Variants in GPC5 observed in about 807,000 individuals in gnomAD.
GPC5 encodes the protein glypican-5.
GPC5 carries 47 observed loss-of-function variants against 53.9 expected under a neutral mutation model. That is an observed-to-expected ratio of 0.87 (90% CI 0.69 to 1.11). The LOEUF (loss-of-function observed/expected upper bound fraction) is 1.11, where lower values mean the gene tolerates loss of function less well. GPC5 is among the 50% of genes most tolerant of loss of function. GPC5 has a pLI of 0.00. For synonymous variants in GPC5, 286 were observed against 263.3 expected (o/e 1.09, Z -0.84); for missense variants, 748 against 713.1 (o/e 1.05, Z -0.56).
chr13:91,992,304 A>T (rs1041751818), intron 6 of GPC5, among the ~76,000 whole-genome samples: 3 of 152,128 alleles, frequency 2.0e-5, no homozygotes, highest in African/African-American at 7.2e-5. Flanking sequence ...AAATACTGGG[A>T]TTATAGGTGC....
intron 7 of GPC5, among the ~76,000 whole-genome samples, chr13:92,469,465 A>G (rs1878827005): frequency 1.3e-5 from 2 of 152,176 alleles, no homozygotes; most frequent in Non-Finnish European, 2.9e-5. Flanking sequence ...CAGAGCAGAA[A>G]AGTTAAATCA....
intron 7 of GPC5, among the ~76,000 whole-genome samples, chr13:92,598,395 T>G: frequency 6.6e-6 from 1 of 152,234 alleles, no homozygotes; most frequent in East Asian, 1.9e-4. Flanking sequence ...CAAATTTTTT[T>G]TTTTACGTTG....
intron 2 of GPC5, among the ~76,000 whole-genome samples, chr13:91,461,928 G>A (rs576030108): frequency 2.6e-5 from 4 of 152,122 alleles, no homozygotes; most frequent in Non-Finnish European, 2.9e-5. Context: ...CTCTAAATTC[G>A]CAAAGACCAG....
intron 2 of GPC5, among the ~76,000 whole-genome samples, chr13:91,643,039 C>G (rs1369879570): frequency 5.3e-5 from 8 of 152,100 alleles, no homozygotes; most frequent in Non-Finnish European, 2.9e-5. Context: ...TTGCACTCCA[C>G]TTCTTATGGT....
chr13:92,014,728 A>G (rs1390287172), intron 6 of GPC5, among the ~76,000 whole-genome samples: 4 of 152,190 alleles, frequency 2.6e-5, no homozygotes, highest in Non-Finnish European at 5.9e-5. Flanking sequence ...TATAATATAT[A>G]CATTATTGAC....
chr13:92,523,472 T>A (rs1881148614), intron 7 of GPC5, among the ~76,000 whole-genome samples: 1 of 152,132 alleles, frequency 6.6e-6, no homozygotes, highest in African/African-American at 2.4e-5. Context: ...TTTAGAAACA[T>A]TTCCATCAAA....
At chr13:91,711,051 C>T (rs1401541077) in intron 3 of GPC5, among the ~76,000 whole-genome samples, 1 of 152,140 alleles carries the variant, frequency 6.6e-6, no homozygotes, top group Non-Finnish European at 1.5e-5. Flanking sequence ...GTGGCAATTC[C>T]TCAAGGATCT....
At chr13:92,097,766 G>A (rs947822513) in intron 6 of GPC5, among the ~76,000 whole-genome samples, 1 of 152,138 alleles carries the variant, frequency 6.6e-6, no homozygotes, top group South Asian at 2.1e-4. Flanking sequence ...TCTACAGAGA[G>A]GAAACAGGCT....
At chr13:91,797,808 T>G (rs1413600083) in intron 5 of GPC5, among the ~76,000 whole-genome samples, 1 of 152,156 alleles carries the variant, frequency 6.6e-6, no homozygotes, top group East Asian at 1.9e-4. Context: ...TTGTGATACC[T>G]TCGCTGGCCC....
chr13:92,475,033 T>C (rs1411556418), intron 7 of GPC5, among the ~76,000 whole-genome samples: 1 of 152,118 alleles, frequency 6.6e-6, no homozygotes, highest in East Asian at 1.9e-4. Flanking sequence ...AACTTTATTT[T>C]TAACTAGTAA....
chr13:91,990,063 T>C (rs1363319234), intron 6 of GPC5, among the ~76,000 whole-genome samples: 9 of 152,350 alleles, frequency 5.9e-5, no homozygotes, highest in Admixed American at 2.6e-4. Context: ...CTCACAGAGA[T>C]ATGAAGATAA....
intron 2 of GPC5, among the ~76,000 whole-genome samples, chr13:91,590,203 T>C (rs2032746401): frequency 6.6e-6 from 1 of 151,836 alleles, no homozygotes; most frequent in Admixed American, 6.6e-5. Flanking sequence ...ACATGGATTA[T>C]CAAATTACCC....
chr13:91,947,394 G>T (rs2039983606), intron 6 of GPC5, among the ~76,000 whole-genome samples: 1 of 152,060 alleles, frequency 6.6e-6, no homozygotes, highest in African/African-American at 2.4e-5. Context: ...TCTGGGTCAG[G>T]AATTCTTCTG....
chr13:92,499,616 T>C (rs1021741498), intron 7 of GPC5, among the ~76,000 whole-genome samples: 1 of 152,146 alleles, frequency 6.6e-6, no homozygotes, highest in Non-Finnish European at 1.5e-5. Flanking sequence ...TAATTGGAGA[T>C]AGGAGTCAGA....
chr13:91,841,120 G>A (rs945017033), intron 5 of GPC5, among the ~76,000 whole-genome samples: 19 of 151,890 alleles, frequency 1.3e-4, no homozygotes, highest in African/African-American at 4.1e-4. Flanking sequence ...ATTTATATAT[G>A]AATTCCGAAG....
chr13:91,573,866 G>A (rs1014858542), intron 2 of GPC5, among the ~76,000 whole-genome samples: 7 of 152,026 alleles, frequency 4.6e-5, no homozygotes, highest in Non-Finnish European at 5.9e-5. Flanking sequence ...CCTCTTCAAA[G>A]TTTTATCGTA....
chr13:91,548,223 CA>C (rs1359152664), intron 2 of GPC5, among the ~76,000 whole-genome samples: 2 of 152,116 alleles, frequency 1.3e-5, no homozygotes, highest in African/African-American at 2.4e-5. Flanking sequence ...CCAAAAGAAT[CA>C]ACAAACACAA....
intron 6 of GPC5, among the ~76,000 whole-genome samples, chr13:92,133,805 CTAAGT>C (rs1343962186): frequency 3.3e-5 from 5 of 152,198 alleles, no homozygotes; most frequent in African/African-American, 4.8e-5. Flanking sequence ...GGAAAAAAAT[CTAAGT>C]TAAGAACAGA....
At chr13:92,306,675 C>A (rs1566530557) in intron 7 of GPC5, among the ~76,000 whole-genome samples, 2 of 152,228 alleles carry the variant, frequency 1.3e-5, no homozygotes, top group Admixed American at 1.3e-4. Flanking sequence ...TCACTACCCC[C>A]ACCTTCAACC....
Sources: allele counts gnomAD v4.1 joint callset (sites outside exome capture counted in the v4.1 genomes callset), GRCh38; gene constraint gnomAD v4.1.1; transcripts MANE v1.5; gene names NCBI Gene and HGNC (gene_info 2026-07-23, HGNC 2026-07-21).